Variants in CADM2 observed in about 807,000 individuals in gnomAD.
CADM2 encodes immunoglobulin superfamily member 4D.
In CADM2, 12 loss-of-function variants were observed where a neutral mutation model predicts 49.8. The observed-to-expected ratio is 0.24, with a 90% CI of 0.15 to 0.39. CADM2 has a LOEUF of 0.39. CADM2 is among the 10% of genes least tolerant of loss of function. The pLI is 1.00. For synonymous variants in CADM2, 214 were observed against 175.4 expected (o/e 1.22, Z -1.74); for missense variants, 378 against 492.3 (o/e 0.77, Z 2.20).
At chr3:84,963,749 A>G (rs1006022248) in intron 1 of CADM2, among the ~76,000 whole-genome samples, 1 of 152,198 alleles carries the variant, frequency 6.6e-6, no homozygotes, top group African/African-American at 2.4e-5. Flanking sequence ...AAAGCACATT[A>G]TAATACATCT....
chr3:85,001,679 G>A lies in CADM2; in HGVS notation c.61+42011G>A, dbSNP rs138492738. Among the ~76,000 whole-genome samples, 771 of 151,846 alleles carry A rather than the reference G, an allele frequency of 5.1e-3. 6 individuals are homozygous for A. Among genetic ancestry groups the A allele is most frequent in the Middle Eastern group, 0.024 (7 of 292 alleles). On this transcript the variant is annotated intron_variant, in intron 1 of 9. Coordinates refer to ENST00000383699, the MANE Select transcript of CADM2 (RefSeq NM_001167675.2). ...AAGAGTTAAGATTAATTATACCATG[G>A]GATCAAAGATATGAAACGCCTTCTA... is the stretch of plus-strand genomic sequence containing the variant.
chr3:85,598,788 A>G (rs1215769944), intron 1 of CADM2, among the ~76,000 whole-genome samples: 1 of 151,898 alleles, frequency 6.6e-6, no homozygotes, highest in Non-Finnish European at 1.5e-5. Flanking sequence ...TTTAATTGCC[A>G]TTCTCTATAT....
chr3:85,681,961 T>G (rs1405227595), intron 1 of CADM2, among the ~76,000 whole-genome samples: 2 of 152,130 alleles, frequency 1.3e-5, no homozygotes, highest in Non-Finnish European at 2.9e-5. Flanking sequence ...CATTTTGCAA[T>G]GTGTAAGAGG....
intron 1 of CADM2, among the ~76,000 whole-genome samples, chr3:85,675,620 G>T (rs892350042): frequency 6.6e-6 from 1 of 152,126 alleles, no homozygotes; most frequent in Non-Finnish European, 1.5e-5. Context: ...ATCTTTTCTA[G>T]TACACTGAAT....
intron 6 of CADM2, among the ~76,000 whole-genome samples, chr3:85,926,809 C>G (rs1719940454): frequency 6.6e-6 from 1 of 152,076 alleles, no homozygotes; most frequent in African/African-American, 2.4e-5. Flanking sequence ...ACACAATATG[C>G]AGATCATATA....
rs1476257423 is a variant in CADM2, at chr3:85,105,573, AC to A, written c.61+145908del. Among the ~76,000 whole-genome samples the A allele has an allele frequency of 7.9e-5, 12 of 152,272 alleles. 1 individual carries two copies. Among genetic ancestry groups the A allele is most frequent in the African/African-American group, 2.9e-4 (12 of 41,570 alleles). On this transcript the variant is annotated intron_variant, in intron 1 of 9. Coordinates refer to ENST00000383699, the MANE Select transcript of CADM2 (RefSeq NM_001167675.2). ...GATCTAGAACTAGAAATACCATTTG[AC>A]CCAGCCATCCCATTACTGGGTATAT...
chr3:85,225,195 A>G (rs2042129215), intron 1 of CADM2, among the ~76,000 whole-genome samples: 1 of 152,118 alleles, frequency 6.6e-6, no homozygotes, highest in South Asian at 2.1e-4. Context: ...TTTGGGCAGT[A>G]TGGCCATTTT....
At chr3:86,044,923 GC>G (rs1736459435) in intron 8 of CADM2, among the ~76,000 whole-genome samples, 1 of 152,074 alleles carries the variant, frequency 6.6e-6, no homozygotes, top group Non-Finnish European at 1.5e-5. Flanking sequence ...CATGGATGAA[GC>G]TGGAAACCAT....
intron 1 of CADM2, among the ~76,000 whole-genome samples, chr3:85,587,824 A>G (rs1453587849): frequency 6.6e-6 from 1 of 151,918 alleles, no homozygotes; most frequent in African/African-American, 2.4e-5. Context: ...GGCTCACTGC[A>G]GCCTCAACCC....
intron 1 of CADM2, among the ~76,000 whole-genome samples, chr3:85,664,086 G>A (rs566027924): frequency 1.5e-4 from 23 of 152,062 alleles, no homozygotes; most frequent in Admixed American, 1.4e-3. Context: ...CTCATAGGAT[G>A]ATTCTCTTCT....
chr3:85,966,008 C>T (rs145515515), intron 8 of CADM2, among the ~76,000 whole-genome samples: 1 of 151,764 alleles, frequency 6.6e-6, no homozygotes, highest in East Asian at 2.0e-4. Flanking sequence ...CCCTAAACTT[C>T]TTCCCTCTTA....
intron 1 of CADM2, among the ~76,000 whole-genome samples, chr3:85,218,977 A>C (rs903586903): frequency 6.6e-6 from 1 of 152,176 alleles, no homozygotes; most frequent in Admixed American, 6.5e-5. Context: ...TTTAGCTCTA[A>C]AGCCATGATT....
intron 4 of CADM2, among the ~76,000 whole-genome samples, chr3:85,885,766 C>T (rs1438387745): frequency 7.0e-6 from 1 of 142,706 alleles, no homozygotes; most frequent in Non-Finnish European, 1.5e-5. Context: ...GCAGGAGAAT[C>T]ACTTGAACTT....
At chr3:85,283,248 C>T (rs1179447848) in intron 1 of CADM2, among the ~76,000 whole-genome samples, 2 of 151,612 alleles carry the variant, frequency 1.3e-5, no homozygotes, top group African/African-American at 2.4e-5. Context: ...CTTATTATTT[C>T]TAACTTTTAT....
intron 1 of CADM2, among the ~76,000 whole-genome samples, chr3:85,537,108 C>A (rs1254040774): frequency 6.6e-6 from 1 of 151,896 alleles, no homozygotes; most frequent in Non-Finnish European, 1.5e-5. Flanking sequence ...TTTCTTGAAT[C>A]ATTATTTAAC....
chr3:85,265,954 C>T (rs1468961663), intron 1 of CADM2, among the ~76,000 whole-genome samples: 3 of 151,810 alleles, frequency 2.0e-5, no homozygotes, highest in East Asian at 1.9e-4. Flanking sequence ...TTCACATGTT[C>T]GAAGGTAGCT....
chr3:85,301,458 A>AT (rs921962778), intron 1 of CADM2, among the ~76,000 whole-genome samples: 1 of 152,042 alleles, frequency 6.6e-6, no homozygotes, highest in African/African-American at 2.4e-5. Flanking sequence ...TTTTACTTCC[A>AT]TTTTTTAGGA....
intron 1 of CADM2, among the ~76,000 whole-genome samples, chr3:85,621,998 A>T (rs2063992180): frequency 6.6e-6 from 1 of 152,224 alleles, no homozygotes; most frequent in Non-Finnish European, 1.5e-5. Flanking sequence ...TATATATTTA[A>T]TTTTAAAATT....
intron 1 of CADM2, among the ~76,000 whole-genome samples, chr3:85,642,942 A>G (rs922858373): frequency 3.9e-5 from 6 of 152,150 alleles, no homozygotes; most frequent in African/African-American, 1.4e-4. Flanking sequence ...TTTCATCACA[A>G]TGTCTTCTCT....
Sources: gnomAD v4.1 joint callset for allele counts (sites outside exome capture counted in the v4.1 genomes callset) on GRCh38, gnomAD v4.1.1 for gene constraint, MANE v1.5 for transcripts, NCBI Gene and HGNC (gene_info 2026-07-23, HGNC 2026-07-21) for gene names.